The following COL11A2 variants were observed in gnomAD, a reference collection of about 807,000 sequenced individuals.
COL11A2 encodes the protein collagen alpha-2(XI) chain.
COL11A2 carries 116 observed loss-of-function variants against 273.4 expected under a neutral mutation model. That is an observed-to-expected ratio of 0.42 (90% CI 0.36 to 0.49). COL11A2 has a LOEUF of 0.49. COL11A2 is among the 20% of genes least tolerant of loss of function. The probability of loss-of-function intolerance (pLI) is 0.00; values close to 1 mark genes in which losing one functional copy is unlikely to be tolerated. For synonymous variants in COL11A2, 782 were observed against 864.2 expected (o/e 0.90, Z 1.67); for missense variants, 1,866 against 2,309.0 (o/e 0.81, Z 3.93).
chr6:33,189,291 C>A lies in COL11A2; in HGVS notation c.232+29G>T, dbSNP rs367984276. On this transcript the variant is annotated intron_variant, in intron 2 of 65. Transcript: ENST00000341947. The surrounding 1 kb of genome is among the most constrained non-coding windows in gnomAD (Gnocchi z 5.6). Reference sequence around the variant, plus strand: ...CTAGGCCCCATCCCATTACCTCCCCCCAGGCCTACCCCACCATGTCACCCA... The same window carrying A: ...CTAGGCCCCATCCCATTACCTCCCCACAGGCCTACCCCACCATGTCACCCA... The A allele has an allele frequency of 1.6e-5, 26 of 1,613,954 alleles. No individual in the cohort carries two copies. Among genetic ancestry groups the A allele is most frequent in the Non-Finnish European group, 2.1e-5 (25 of 1,180,024 alleles).
In COL11A2 at chr6:33,175,571, C is replaced by T. The variant is rs1321537714; in HGVS notation, c.2376+3G>A. 1.9e-6 allele frequency: 3 copies of T among 1,612,412 alleles called. No individual in the cohort carries two copies. Among genetic ancestry groups the T allele is most frequent in the Non-Finnish European group, 2.5e-6 (3 of 1,179,668 alleles). On this transcript the variant is annotated splice_donor_region_variant and intron_variant, in intron 30 of 65. Coordinates refer to ENST00000341947, the MANE Select transcript of COL11A2 (RefSeq NM_080680.3). ...CCCAGGCACAGAACCCTCATCCCAT[C>T]ACCTTCTCGCCCATGAGCCCTGGGG...
At position 33,176,443 on chromosome 6, in the gene COL11A2, C is replaced by G. The variant is rs756050324; in HGVS notation, c.2159G>C (p.Arg720Pro). ...PQGPLGYPGP[R>P]GVKGVDGIRG... ...CTGGTGGTCAGTTACCTTGACCCCT[C>G]GAGGTCCTGGGTATCCTAGAGGTCC... The change falls in exon 27 of 66, where the codon CGA becomes CCA. Residue 720 changes from arginine (R) to proline (P), a missense_variant. Coordinates refer to ENST00000341947, the MANE Select transcript of COL11A2 (RefSeq NM_080680.3). This position sits in a 1 kb window ranked among gnomAD's most constrained non-coding sequence, Gnocchi z 4.9. 6.2e-7 allele frequency: 1 copy of G among 1,612,532 alleles called. No homozygotes were observed. Among genetic ancestry groups the G allele is most frequent in the East Asian group, 2.2e-5 (1 of 44,860 alleles).
Position 33,172,305 on chromosome 6 carries a change from CCT to C in COL11A2, c.2970_2971del (p.Gly991ProfsTer14), listed in dbSNP as rs1184006015. ...CACACTCACAGCAGTGCCTGGGAGG[CCT>C]CTCTCTCCTGGGAATCCCCTCAGAC... On this transcript the variant is annotated frameshift_variant, in exon 40 of 66. Transcript: ENST00000341947. LOFTEE classifies it high-confidence loss of function. 1 of 1,585,696 alleles carries C rather than the reference CCT, an allele frequency of 6.3e-7. No homozygotes were observed. The highest frequency in any genetic ancestry group is 8.6e-7 in the Non-Finnish European group (1 of 1,166,604).
chr6:33,163,731 C>G lies in COL11A2; in HGVS notation c.5158G>C (p.Ala1720Pro), dbSNP rs1158062208. 4.3e-6 allele frequency: 7 copies of G among 1,613,070 alleles called. No homozygotes were observed. Among genetic ancestry groups the G allele is most frequent in the Non-Finnish European group, 5.9e-6 (7 of 1,180,024 alleles). ...AGCACCCCTCCCCGCCTCGGTGGGGCTCCCAGGTCTGAGAAGGAGGCATCC... is the reference window on the plus strand; with the variant it reads ...AGCACCCCTCCCCGCCTCGGTGGGGGTCCCAGGTCTGAGAAGGAGGCATCC... ...VLDASFSDLG[A>P]PPRRGGVLLG... Residue 1720 changes from alanine to proline, a missense_variant, in exon 66 of 66, where the codon GCC becomes CCC. Physicochemically the swap from Ala to Pro is conservative, Grantham distance 27. Coordinates refer to ENST00000341947, the MANE Select transcript of COL11A2 (RefSeq NM_080680.3). The surrounding 1 kb of genome is among the most constrained non-coding windows in gnomAD (Gnocchi z 4.1).
rs1210655644 is a variant in COL11A2, at chr6:33,171,844, C to T, written c.3043-24G>A. 5 of 1,610,886 alleles carry T rather than the reference C, an allele frequency of 3.1e-6. No homozygotes were observed. The Admixed American group carries it at 8.3e-5, about 27-fold the overall frequency. The stretch of plus-strand genomic sequence containing the variant: ...CCCTGAGAAAGCAGATGGTCAGACC[C>T]CCAGGAAGGAGACACCAGCCCGCCC... On this transcript the variant is annotated intron_variant, in intron 41 of 65. Coordinates refer to ENST00000341947, the MANE Select transcript of COL11A2 (RefSeq NM_080680.3).
chr6:33,179,033 C>T lies in COL11A2; in HGVS notation c.1611+40G>A. 1 of 1,614,058 alleles carries T rather than the reference C, an allele frequency of 6.2e-7. No homozygotes were observed. The highest frequency in any genetic ancestry group is 8.5e-7 in the Non-Finnish European group (1 of 1,179,946). On this transcript the variant is annotated intron_variant, in intron 16 of 65. Transcript: ENST00000341947. The surrounding 1 kb of genome is among the most constrained non-coding windows in gnomAD (Gnocchi z 6.4). Reference sequence around the variant, plus strand: ...GCCGCAGTCCCCTACCCTGCAGGCCCTGTCTCCCCACAACACCCATCCACC... The same window carrying T: ...GCCGCAGTCCCCTACCCTGCAGGCCTTGTCTCCCCACAACACCCATCCACC...
Position 33,172,654 on chromosome 6 carries a change from A to G in COL11A2, c.2791-17T>C. 1 of 1,605,482 alleles carries G rather than the reference A, an allele frequency of 6.2e-7. No homozygotes were observed. The highest frequency in any genetic ancestry group is 1.3e-5 in the African/African-American group (1 of 74,842). On this transcript the variant is annotated splice_polypyrimidine_tract_variant and intron_variant, in intron 38 of 65. Transcript: ENST00000341947. ...TGCTGCTCCCTAGACAAAAGCAGAG[A>G]GAGTTCCTGCTCTCAGGCCCTTCAT...
Position 33,177,313 on chromosome 6 carries a change from T to C in COL11A2, c.1972-88A>G. On this transcript the variant is annotated intron_variant, in intron 23 of 65. Coordinates refer to ENST00000341947, the MANE Select transcript of COL11A2 (RefSeq NM_080680.3). The surrounding 1 kb of genome is among the most constrained non-coding windows in gnomAD (Gnocchi z 5.9). ...ATTCAAAGCATGAGCAACAAGGGCCTGAAACCCTTAATTTCCTGTATCCTT... is the reference window on the plus strand; with the variant it reads ...ATTCAAAGCATGAGCAACAAGGGCCCGAAACCCTTAATTTCCTGTATCCTT... 1.2e-6 allele frequency: 2 copies of C among 1,603,802 alleles called. No homozygotes were observed. Among genetic ancestry groups the C allele is most frequent in the South Asian group, 1.1e-5 (1 of 90,884 alleles).
In COL11A2 at chr6:33,178,205, A is replaced by G. The variant is rs1379847623; in HGVS notation, c.1819-20T>C. On this transcript the variant is annotated intron_variant, in intron 20 of 65. Transcript: ENST00000341947. The surrounding 1 kb of genome is among the most constrained non-coding windows in gnomAD (Gnocchi z 4.6). ...AGGTCCCTGCATTCACGGTGAGGGG[A>G]GGAGACGGCATGAATGGATAAAACT... 3 of 1,612,172 alleles carry G rather than the reference A, an allele frequency of 1.9e-6. No individual in the cohort carries two copies. The highest frequency in any genetic ancestry group is 2.5e-6 in the Non-Finnish European group (3 of 1,179,488).
chr6:33,180,684 C>G lies in COL11A2; in HGVS notation c.1268G>C (p.Gly423Ala). The G allele has an allele frequency of 1.9e-6, 3 of 1,610,404 alleles. No homozygotes were observed. Among genetic ancestry groups the G allele is most frequent in the Non-Finnish European group, 2.5e-6 (3 of 1,178,858 alleles). Residue 423 changes from glycine to alanine, a missense_variant, in exon 11 of 66, where the codon GGA (glycine) becomes GCA (alanine). Gly to Ala is a moderately conservative substitution (Grantham distance 60). Coordinates refer to ENST00000341947, the MANE Select transcript of COL11A2 (RefSeq NM_080680.3). ...CCCCCTTACCCTCTCTCCAGGGTCT[C>G]CAACTGGGCCTGGGTTCCCCTGGAT... is the stretch of plus-strand genomic sequence containing the variant. The part of the protein sequence containing the change: ...PGIQGNPGPV[G>A]DPGERGPPGR...
In COL11A2 at chr6:33,177,965, C is replaced by G; in HGVS notation, c.1872+167G>C. On this transcript the variant is annotated intron_variant, in intron 21 of 65. Coordinates refer to ENST00000341947, the MANE Select transcript of COL11A2 (RefSeq NM_080680.3). This position sits in a 1 kb window ranked among gnomAD's most constrained non-coding sequence, Gnocchi z 5.9. ...CACGCCACATGGCCCTCCCTGTGCA[C>G]GGGGAGCGAATGCTGAGGCAGGGCA... is the stretch of plus-strand genomic sequence containing the variant. 1 of 827,108 alleles carries G rather than the reference C, an allele frequency of 1.2e-6. No individual in the cohort carries two copies. The highest frequency in any genetic ancestry group is 1.9e-6 in the Non-Finnish European group (1 of 517,552). 51.2% of individuals were successfully genotyped at this position (827,108 alleles called of 1,614,324 possible).
chr6:33,188,538 A>G lies in COL11A2; in HGVS notation c.444-14T>C. ...ACACGGTGCCACCTGGAAATGGTGG[A>G]AGAGGTTCAAGTGAACTCTTGGCTG... On this transcript the variant is annotated splice_polypyrimidine_tract_variant and intron_variant, in intron 3 of 65. Coordinates refer to ENST00000341947, the MANE Select transcript of COL11A2 (RefSeq NM_080680.3). 1 of 1,612,916 alleles carries G rather than the reference A, an allele frequency of 6.2e-7. No homozygotes were observed. The highest frequency in any genetic ancestry group is 8.5e-7 in the Non-Finnish European group (1 of 1,179,956).
chr6:33,179,147 GTGGGGTT>G lies in COL11A2; in HGVS notation c.1558-28_1558-22del. 6.2e-7 allele frequency: 1 copy of G among 1,613,208 alleles called. No homozygotes were observed. The highest frequency in any genetic ancestry group is 8.5e-7 in the Non-Finnish European group (1 of 1,179,568). ...GGGCCCTGGTGAGAGGAGAGATGGG[GTGGGGTT>G]AGGAGGCATAGGGAGGGGAGTGAGG... On this transcript the variant is annotated intron_variant, in intron 15 of 65. Coordinates refer to ENST00000341947, the MANE Select transcript of COL11A2 (RefSeq NM_080680.3). This position sits in a 1 kb window ranked among gnomAD's most constrained non-coding sequence, Gnocchi z 6.4.
In COL11A2 at chr6:33,186,665, T is replaced by C. The variant is rs755419571; in HGVS notation, c.760A>G (p.Arg254Gly). The C allele has an allele frequency of 6.2e-7, 1 of 1,614,098 alleles. No homozygotes were observed. Among genetic ancestry groups the C allele is most frequent in the Non-Finnish European group, 8.5e-7 (1 of 1,180,004 alleles). ...TCCTGATTTTGTGGCCTGTGAAGTC[T>C]TGATGGTTGCTGCTGTGGAGATCTC... is the stretch of plus-strand genomic sequence containing the variant. ...AQRSPQQQPSRLHRPQNQEPQ... is the reference protein window; with the variant it reads ...AQRSPQQQPSGLHRPQNQEPQ... Residue 254 changes from arginine to glycine, a missense_variant, in exon 5 of 66, where the codon AGA becomes GGA. Coordinates refer to ENST00000341947, the MANE Select transcript of COL11A2 (RefSeq NM_080680.3).
chr6:33,188,554 C>A, intron 3 of COL11A2, 30 bp from the exon 4 acceptor site: 1 of 1,612,862 alleles, frequency 6.2e-7, no homozygotes, highest in South Asian at 1.1e-5. Context: ...TTCAAGTGAA[C>A]TCTTGGCTGA....
Position 33,166,739 on chromosome 6 carries a change from G to A in COL11A2, c.4319C>T (p.Pro1440Leu), listed in dbSNP as rs768885036. 7 of 1,613,510 alleles carry A rather than the reference G, an allele frequency of 4.3e-6. No individual in the cohort carries two copies. In the African/African-American group the frequency reaches 9.3e-5, roughly 22 times the overall value. ...ACTCACCATCTCACCCTTCTGCCCAGGGGAGCCCTGAGGCCCAGGAAGTCC... is the reference window on the plus strand; with the variant it reads ...ACTCACCATCTCACCCTTCTGCCCAAGGGAGCCCTGAGGCCCAGGAAGTCC... Reference protein sequence around the residue: ...DRGLPGPQGSPGQKGEMGIPG... With the variant: ...DRGLPGPQGSLGQKGEMGIPG... The change falls in exon 59 of 66, where the codon CCT becomes CTT. Residue 1440 changes from proline to leucine, a missense_variant. Coordinates refer to ENST00000341947, the MANE Select transcript of COL11A2 (RefSeq NM_080680.3). This position sits in a 1 kb window ranked among gnomAD's most constrained non-coding sequence, Gnocchi z 4.8.
At chr6:33,182,542 C>T (rs569332956) in intron 8 of COL11A2, among the ~76,000 whole-genome samples, 83 of 151,892 alleles carry the variant, frequency 5.5e-4, no homozygotes, top group African/African-American at 1.8e-3. Context: ...GAAACCCCGT[C>T]TCTACTAAAA....
In COL11A2 at chr6:33,162,849, A is replaced by T. The variant is rs1768539623; in HGVS notation, c.*829T>A. On this transcript the variant is annotated 3_prime_UTR_variant, in exon 66 of 66. Coordinates refer to ENST00000341947, the MANE Select transcript of COL11A2 (RefSeq NM_080680.3). The surrounding 1 kb of genome is among the most constrained non-coding windows in gnomAD (Gnocchi z 4.9). ...GGGAGGGACAGGGGTGGCAATGAACATACTCAGTGGCTCAGGGCCATGGCA... is the reference window on the plus strand; with the variant it reads ...GGGAGGGACAGGGGTGGCAATGAACTTACTCAGTGGCTCAGGGCCATGGCA... 1 of 154,942 alleles carries T rather than the reference A, an allele frequency of 6.5e-6. No individual in the cohort carries two copies. Among genetic ancestry groups the T allele is most frequent in the African/African-American group, 2.4e-5 (1 of 41,508 alleles). The allele number at this position is 154,942 out of a possible 1,614,324, so 9.6% of individuals were successfully genotyped here.
chr6:33,173,362 G>C lies in COL11A2; in HGVS notation c.2722C>G (p.Gln908Glu). The change falls in exon 37 of 66, where the codon CAA becomes GAA. Residue 908 changes from glutamine to glutamate, a missense_variant. Transcript: ENST00000341947. The surrounding 1 kb of genome is among the most constrained non-coding windows in gnomAD (Gnocchi z 6.3). Reference protein sequence around the residue: ...GKDGLPGHPGQRGEVGFQGKT... With the variant: ...GKDGLPGHPGERGEVGFQGKT... ...GCATCACTCACCACTTCTCCTCTTTGGCCTGGGTGTCCCGGCAGCCCATCC... is the reference window on the plus strand; with the variant it reads ...GCATCACTCACCACTTCTCCTCTTTCGCCTGGGTGTCCCGGCAGCCCATCC... The C allele has an allele frequency of 6.2e-7, 1 of 1,612,440 alleles. No individual in the cohort carries two copies. The highest frequency in any genetic ancestry group is 8.5e-7 in the Non-Finnish European group (1 of 1,179,898).
Sources: allele counts gnomAD v4.1 joint callset (sites outside exome capture counted in the v4.1 genomes callset), GRCh38; gene constraint gnomAD v4.1.1; non-coding constraint Gnocchi (gnomAD v3.1); transcripts MANE v1.5; gene names NCBI Gene and HGNC (gene_info 2026-07-23, HGNC 2026-07-21).